IKZF2: variants seen among roughly 807,000 people sequenced by gnomAD.
IKZF2 encodes IKAROS family zinc finger 2, also known as zinc finger protein Helios.
In IKZF2, 15 loss-of-function variants were observed where a neutral mutation model predicts 49.2. The ratio of observed to expected loss-of-function variants is 0.30; its 90% CI spans 0.20 to 0.47. IKZF2 has a LOEUF of 0.47. Ranked by LOEUF, IKZF2 falls within the 20% of genes least tolerant of loss-of-function variation. The pLI is 1.00. For synonymous variants in IKZF2, 227 were observed against 221.4 expected, an observed-to-expected ratio of 1.03 and a Z score of -0.23; for missense variants, 567 against 664.6, an observed-to-expected ratio of 0.85 and a Z score of 1.61.
At chr2:213,023,944 G>A (rs1697513488) in intron 6 of IKZF2, among the ~76,000 whole-genome samples, 1 of 152,020 alleles carries the variant, frequency 6.6e-6, no homozygotes, top group East Asian at 1.9e-4. Context: ...ATTGAAACAT[G>A]GTTTTTCATT....
At chr2:213,091,285 ATGTGGACTTT>A (rs1705299167) in intron 4 of IKZF2, among the ~76,000 whole-genome samples, 9 of 152,326 alleles carry the variant, frequency 5.9e-5, no homozygotes, top group African/African-American at 1.4e-4. Context: ...TAGTTTAAAA[ATGTGGACTTT>A]GTTCATTCTG....
intron 8 of IKZF2, among the ~76,000 whole-genome samples, chr2:213,008,319 C>T (rs1002299138): frequency 1.3e-5 from 2 of 151,454 alleles, no homozygotes; most frequent in African/African-American, 4.9e-5. Flanking sequence ...GCAACCTCCA[C>T]CTCTCCAGTT....
intron 6 of IKZF2, among the ~76,000 whole-genome samples, chr2:213,048,013 C>T (rs1156897088): frequency 6.6e-6 from 1 of 151,982 alleles, no homozygotes; most frequent in African/African-American, 2.4e-5. Flanking sequence ...AAAACTGTAG[C>T]AACTCTGTTT....
chr2:213,001,243 CT>C lies in IKZF2; in HGVS notation c.*6116del, dbSNP rs1694877574. 2 of 151,898 alleles carry C rather than the reference CT, an allele frequency of 1.3e-5. No homozygotes were observed. The highest frequency in any genetic ancestry group is 6.6e-5 in the Admixed American group (1 of 15,150). 9.4% of individuals were successfully genotyped at this position (151,898 alleles called of 1,614,324 possible). A position where few individuals can be genotyped will look rare whatever the true frequency, so the allele number is the denominator to read the frequency against. On this transcript the variant is annotated 3_prime_UTR_variant, in exon 9 of 9. Coordinates refer to ENST00000434687, the MANE Select transcript of IKZF2 (RefSeq NM_001387220.1). ...AGCAAATATGGGGCCTGGAGACCCC[CT>C]CCAAACCTGGAATATTATTATAGTA...
At chr2:213,087,986 A>G in intron 4 of IKZF2, among the ~76,000 whole-genome samples, 1 of 152,198 alleles carries the variant, frequency 6.6e-6, no homozygotes, top group Non-Finnish European at 1.5e-5. Context: ...GTGTCTTTAT[A>G]GCAGCATGAT....
intron 6 of IKZF2, among the ~76,000 whole-genome samples, chr2:213,027,705 T>C (rs866274564): frequency 2.8e-4 from 42 of 152,160 alleles, no homozygotes; most frequent in Middle Eastern, 3.2e-3. Flanking sequence ...CATTTTCTCT[T>C]AACATTTTGA....
At chr2:213,086,528 C>G (rs1704617749) in intron 4 of IKZF2, among the ~76,000 whole-genome samples, 1 of 152,130 alleles carries the variant, frequency 6.6e-6, no homozygotes, top group African/African-American at 2.4e-5. Context: ...TAAGGTAGTT[C>G]AGGTGAGTAT....
At chr2:213,152,021 GGTCCCCGGAC>G (rs2061298474), upstream of IKZF2, 5 of 152,198 alleles carry the variant, frequency 3.3e-5, no homozygotes, top group African/African-American at 1.2e-4. Context: ...CCAGCCCGTT[GGTCCCCGGAC>G]TGCGGACCCC....
At chr2:213,147,045 C>T (rs1024109940) in intron 4 of IKZF2, among the ~76,000 whole-genome samples, 3 of 152,032 alleles carry the variant, frequency 2.0e-5, no homozygotes, top group African/African-American at 7.2e-5. Context: ...ATGTAAGTTG[C>T]ATCTTATTAC....
At chr2:213,032,217 G>A (rs1698509094) in intron 6 of IKZF2, among the ~76,000 whole-genome samples, 1 of 152,070 alleles carries the variant, frequency 6.6e-6, no homozygotes, top group Admixed American at 6.6e-5. Flanking sequence ...AAATTATATA[G>A]ACTCTTCCTT....
In IKZF2 at chr2:213,011,486, T is replaced by C. The variant is rs569288992; in HGVS notation, c.856+2305A>G. ...ATTAGAAAGAGGGATAGTTGTTTCA[T>C]TGAAATAAGGAAAAAAGATAAAAGC... On this transcript the variant is annotated intron_variant, in intron 8 of 8. Coordinates refer to ENST00000434687, the MANE Select transcript of IKZF2 (RefSeq NM_001387220.1). Among the ~76,000 whole-genome samples the C allele has an allele frequency of 2.5e-4, 38 of 152,094 alleles. No homozygotes were observed. In the South Asian group the frequency reaches 6.6e-3, roughly 27 times the overall value.
At chr2:213,091,322 T>C (rs1705305626) in intron 4 of IKZF2, among the ~76,000 whole-genome samples, 1 of 152,178 alleles carries the variant, frequency 6.6e-6, no homozygotes, top group African/African-American at 2.4e-5. Flanking sequence ...ATTCCATATC[T>C]GAAGAAAGCT....
intron 6 of IKZF2, among the ~76,000 whole-genome samples, chr2:213,027,436 T>C (rs1697929303): frequency 6.6e-6 from 1 of 152,140 alleles, no homozygotes; most frequent in Admixed American, 6.6e-5. Flanking sequence ...CCAGTGCCAC[T>C]TACCCCTTCC....
At chr2:213,039,268 T>G in intron 6 of IKZF2, among the ~76,000 whole-genome samples, 1 of 152,180 alleles carries the variant, frequency 6.6e-6, no homozygotes, top group African/African-American at 2.4e-5. Flanking sequence ...TAGGAACTAG[T>G]ATAAGCATTC....
intron 4 of IKZF2, among the ~76,000 whole-genome samples, chr2:213,112,886 T>G (rs1441905968): frequency 5.9e-5 from 9 of 152,170 alleles, no homozygotes; most frequent in Non-Finnish European, 8.8e-5. Flanking sequence ...TAGGGTTTTA[T>G]TGAGATTAAA....
chr2:213,012,463 C>CA (rs1439079267), intron 8 of IKZF2, among the ~76,000 whole-genome samples: 1 of 151,654 alleles, frequency 6.6e-6, no homozygotes, highest in South Asian at 2.1e-4. Flanking sequence ...TGACATCCAA[C>CA]AAAAAAATCA....
intron 4 of IKZF2, among the ~76,000 whole-genome samples, chr2:213,136,409 GAA>G (rs2060678631): frequency 1.0e-5 from 1 of 98,820 alleles, no homozygotes; most frequent in African/African-American, 2.8e-5. Context: ...AAAAAGAAAA[GAA>G]AAAAGAAAGA....
At chr2:213,150,444 G>GA in intron 1 of IKZF2, 197 bp from the exon 2 acceptor site, 1 of 169,960 alleles carries the variant, frequency 5.9e-6, no homozygotes, top group Non-Finnish European at 1.1e-5. Context: ...AAATGAGAGA[G>GA]AAGAACACCC....
intron 6 of IKZF2, among the ~76,000 whole-genome samples, chr2:213,039,741 TATATC>T (rs1331595886): frequency 1.3e-5 from 2 of 152,092 alleles, no homozygotes; most frequent in African/African-American, 2.4e-5. Context: ...AATAAATAAT[TATATC>T]ATATGCTCAA....
Sources: gnomAD v4.1 joint callset for allele counts (sites outside exome capture counted in the v4.1 genomes callset) on GRCh38, gnomAD v4.1.1 for gene constraint, MANE v1.5 for transcripts, NCBI Gene and HGNC (gene_info 2026-07-23, HGNC 2026-07-21) for gene names.